The following NEMP2 variants were observed in gnomAD, a reference collection of about 807,000 sequenced individuals.
NEMP2 encodes UPF0571 transmembrane protein.
In NEMP2, 53 loss-of-function variants were observed where a neutral mutation model predicts 54.2. The ratio of observed to expected loss-of-function variants is 0.98; its 90% CI spans 0.78 to 1.23. The LOEUF (loss-of-function observed/expected upper bound fraction) is 1.23. Ranked by LOEUF, NEMP2 falls within the 50% of genes most tolerant of loss-of-function variation. The probability of loss-of-function intolerance (pLI) is 0.00; values close to 1 mark genes in which losing one functional copy is unlikely to be tolerated. For missense variants in NEMP2, 455 were observed against 511.3 expected (o/e 0.89, Z 1.06); for synonymous variants, 197 against 190.3 (o/e 1.04, Z -0.29).
At chr2:190,431,362 G>T in the NEMP2 span, among the ~76,000 whole-genome samples, 2 of 152,228 alleles carry the variant, frequency 1.3e-5, no homozygotes, top group Non-Finnish European at 2.9e-5. The surrounding 1 kb of genome is among the most constrained non-coding windows in gnomAD (Gnocchi z 4.4). Context: ...GCAGCTGGGA[G>T]GTGGAGGTTG....
In NEMP2 at chr2:190,530,756, T is replaced by TA. The variant is rs1691116546; in HGVS notation, c.97+3802_97+3803insT. 6.6e-6 allele frequency among the ~76,000 whole-genome samples: 1 copy of TA among 152,240 alleles called. No homozygotes were observed. The highest frequency in any genetic ancestry group is 1.5e-5 in the Non-Finnish European group (1 of 68,040). On this transcript the variant is annotated intron_variant, in intron 1 of 8. Coordinates refer to ENST00000409150, the MANE Select transcript of NEMP2 (RefSeq NM_001142645.2). The surrounding 1 kb of genome is among the most constrained non-coding windows in gnomAD (Gnocchi z 4.6). ...GATTATGCCCTGACACTGAAGGCTA[T>TA]GAAGCTGCCTGCATGTCTGCGGGTT...
chr2:190,527,283 T>C lies in NEMP2; in HGVS notation c.98-1905A>G, dbSNP rs1690973660. Among the ~76,000 whole-genome samples the C allele has an allele frequency of 6.6e-6, 1 of 152,128 alleles. No individual in the cohort carries two copies. Among genetic ancestry groups the C allele is most frequent in the Non-Finnish European group, 1.5e-5 (1 of 68,020 alleles). On this transcript the variant is annotated intron_variant, in intron 1 of 8. Transcript: ENST00000409150. The surrounding 1 kb of genome is among the most constrained non-coding windows in gnomAD (Gnocchi z 4.0). Reference sequence around the variant, plus strand: ...CTACTAGTAAACAATCACATCCATGTAGGGAATAATACTGAATATGCTCAC... The same window carrying C: ...CTACTAGTAAACAATCACATCCATGCAGGGAATAATACTGAATATGCTCAC...
chr2:190,424,316 T>G, the NEMP2 span, among the ~76,000 whole-genome samples: 47 of 151,968 alleles, frequency 3.1e-4, no homozygotes, highest in African/African-American at 1.1e-3. This position sits in a 1 kb window ranked among gnomAD's most constrained non-coding sequence, Gnocchi z 5.9. Context: ...GTATAAGGTA[T>G]AAGACTTAGT....
the NEMP2 span, among the ~76,000 whole-genome samples, chr2:190,475,163 G>A: frequency 9.7e-4 from 148 of 152,286 alleles, no homozygotes; most frequent in Non-Finnish European, 1.6e-3. Context: ...ACAAGACAGG[G>A]ATGCCCTCTC....
chr2:190,603,413 A>C, the NEMP2 span, among the ~76,000 whole-genome samples: 1 of 151,796 alleles, frequency 6.6e-6, no homozygotes, highest in Non-Finnish European at 1.5e-5. Context: ...GGCCCGGGTC[A>C]TTTGTGGGAA....
At chr2:190,503,913 TG>T (rs1690121900), downstream of NEMP2, among the ~76,000 whole-genome samples, 1 of 152,120 alleles carries the variant, frequency 6.6e-6, no homozygotes. The surrounding 1 kb of genome is among the most constrained non-coding windows in gnomAD (Gnocchi z 6.3). Flanking sequence ...ATGTCTAACA[TG>T]GGGGGAAAGT....
At chr2:190,576,727 G>A in the NEMP2 span, among the ~76,000 whole-genome samples, 12 of 152,060 alleles carry the variant, frequency 7.9e-5, no homozygotes, top group African/African-American at 2.9e-4. Context: ...GTTAGTCTCT[G>A]GTAAAACCCA....
the NEMP2 span, among the ~76,000 whole-genome samples, chr2:190,558,181 A>T: frequency 6.6e-6 from 1 of 152,194 alleles, no homozygotes; most frequent in South Asian, 2.1e-4. The surrounding 1 kb of genome is among the most constrained non-coding windows in gnomAD (Gnocchi z 4.4). Context: ...AGGGACATGG[A>T]TGACACTGGA....
the NEMP2 span, among the ~76,000 whole-genome samples, chr2:190,467,488 C>T: frequency 1.9e-4 from 29 of 152,164 alleles, no homozygotes; most frequent in African/African-American, 7.0e-4. The surrounding 1 kb of genome is among the most constrained non-coding windows in gnomAD (Gnocchi z 5.5). Context: ...TGGCACATTC[C>T]TGTAATCCCA....
the NEMP2 span, among the ~76,000 whole-genome samples, chr2:190,619,201 A>G: frequency 6.6e-6 from 1 of 152,058 alleles, no homozygotes; most frequent in Non-Finnish European, 1.5e-5. This position sits in a 1 kb window ranked among gnomAD's most constrained non-coding sequence, Gnocchi z 5.5. Context: ...CAACATAGTG[A>G]GATTTCGTGT....
chr2:190,605,435 C>T, the NEMP2 span, among the ~76,000 whole-genome samples: 2 of 151,868 alleles, frequency 1.3e-5, no homozygotes, highest in African/African-American at 2.4e-5. Flanking sequence ...AGTGCAGTGG[C>T]GCAATCTCAG....
At chr2:190,550,207 T>C in the NEMP2 span, among the ~76,000 whole-genome samples, 1 of 152,208 alleles carries the variant, frequency 6.6e-6, no homozygotes, top group Non-Finnish European at 1.5e-5. The surrounding 1 kb of genome is among the most constrained non-coding windows in gnomAD (Gnocchi z 4.7). Flanking sequence ...ATATTTATTT[T>C]TGACAAATCT....
the NEMP2 span, among the ~76,000 whole-genome samples, chr2:190,562,199 C>T: frequency 6.6e-6 from 1 of 152,180 alleles, no homozygotes; most frequent in Non-Finnish European, 1.5e-5. This position sits in a 1 kb window ranked among gnomAD's most constrained non-coding sequence, Gnocchi z 5.0. Flanking sequence ...AAAGGGAAAA[C>T]AGACCAGTAG....
chr2:190,431,488 C>T, the NEMP2 span, among the ~76,000 whole-genome samples: 13 of 152,228 alleles, frequency 8.5e-5, no homozygotes, highest in African/African-American at 1.4e-4. This position sits in a 1 kb window ranked among gnomAD's most constrained non-coding sequence, Gnocchi z 4.4. Flanking sequence ...GGATCACTCG[C>T]GATTAGGAGC....
the NEMP2 span, among the ~76,000 whole-genome samples, chr2:190,550,789 AATG>A: frequency 6.6e-6 from 1 of 152,176 alleles, no homozygotes; most frequent in South Asian, 2.1e-4. The surrounding 1 kb of genome is among the most constrained non-coding windows in gnomAD (Gnocchi z 4.7). Flanking sequence ...TATATCTTTT[AATG>A]ATCTGAAACT....
chr2:190,455,934 C>CTTTTTTTTTTTTTTTTTTTTTT, the NEMP2 span, among the ~76,000 whole-genome samples: 1 of 65,370 alleles, frequency 1.5e-5, no homozygotes, highest in Non-Finnish European at 2.5e-5. Flanking sequence ...ATTTACTCTG[C>CTTTTTTTTTTTTTTTTTTTTTT]TTTTTTTTTT....
At chr2:190,584,841 T>G in the NEMP2 span, among the ~76,000 whole-genome samples, 682 of 148,136 alleles carry the variant, frequency 4.6e-3, 18 homozygotes, top group Non-Finnish European at 1.1e-3. This position sits in a 1 kb window ranked among gnomAD's most constrained non-coding sequence, Gnocchi z 4.2. Flanking sequence ...ACACCACTGC[T>G]CTCCAGCCTA....
the NEMP2 span, among the ~76,000 whole-genome samples, chr2:190,629,415 G>T: frequency 3.5e-4 from 54 of 152,286 alleles, no homozygotes; most frequent in Admixed American, 2.0e-3. Flanking sequence ...CAGTTTGTAA[G>T]GAGTCCCTTA....
chr2:190,637,028 A>G, the NEMP2 span, among the ~76,000 whole-genome samples: 1 of 152,230 alleles, frequency 6.6e-6, no homozygotes, highest in Non-Finnish European at 1.5e-5. This position sits in a 1 kb window ranked among gnomAD's most constrained non-coding sequence, Gnocchi z 4.5. Context: ...TCACTAAGGT[A>G]ATCATTTAAA....
Sources: gnomAD v4.1 joint callset for allele counts (sites outside exome capture counted in the v4.1 genomes callset) on GRCh38, gnomAD v4.1.1 for gene constraint, Gnocchi (gnomAD v3.1) non-coding constraint, MANE v1.5 for transcripts, NCBI Gene and HGNC (gene_info 2026-07-23, HGNC 2026-07-21) for gene names.